The following TCERG1L variants were observed in gnomAD, a reference collection of about 807,000 sequenced individuals.
The protein encoded by TCERG1L is transcription elongation regulator 1-like protein.
Under a neutral mutation model 56.3 loss-of-function variants are expected in TCERG1L, and 37 were observed. The observed-to-expected ratio is 0.66, with a 90% confidence interval of 0.51 to 0.87. The LOEUF (loss-of-function observed/expected upper bound fraction) is 0.87. TCERG1L is among the 40% of genes least tolerant of loss of function. TCERG1L has a pLI of 0.00. For missense variants in TCERG1L, 799 were observed against 774.2 expected, an observed-to-expected ratio of 1.03 and a Z score of -0.38; for synonymous variants, 324 against 326.3, an observed-to-expected ratio of 0.99 and a Z score of 0.08.
chr10:131,144,343 C>T (rs1489864047), intron 7 of TCERG1L, among the ~76,000 whole-genome samples: 1 of 152,130 alleles, frequency 6.6e-6, no homozygotes, highest in Admixed American at 6.5e-5. Context: ...AAATATCTGA[C>T]GAGCCGCGAC....
At chr10:131,248,565 C>A (rs531791578) in intron 4 of TCERG1L, among the ~76,000 whole-genome samples, 2 of 152,160 alleles carry the variant, frequency 1.3e-5, no homozygotes, top group African/African-American at 4.8e-5. Context: ...GGACTCTTCC[C>A]GTGACCCCCT....
intron 8 of TCERG1L, among the ~76,000 whole-genome samples, chr10:131,132,011 CA>C (rs1845623581): frequency 6.6e-6 from 1 of 152,186 alleles, no homozygotes; most frequent in Non-Finnish European, 1.5e-5. Flanking sequence ...AAAGAGGGAT[CA>C]AAATGCCATG....
intron 11 of TCERG1L, among the ~76,000 whole-genome samples, chr10:131,096,642 T>G (rs1845249966): frequency 6.6e-6 from 1 of 152,216 alleles, no homozygotes. Context: ...GGCTCATGCC[T>G]GTAATCCCAG....
At chr10:131,193,152 C>G (rs1301882570) in intron 4 of TCERG1L, among the ~76,000 whole-genome samples, 1 of 152,150 alleles carries the variant, frequency 6.6e-6, no homozygotes, top group African/African-American at 2.4e-5. Flanking sequence ...TTTTATATGT[C>G]TCCTTTTGAA....
intron 4 of TCERG1L, among the ~76,000 whole-genome samples, chr10:131,173,370 T>C (rs966384604): frequency 6.6e-6 from 1 of 152,204 alleles, no homozygotes; most frequent in Non-Finnish European, 1.5e-5. Flanking sequence ...ATCCGTCAAT[T>C]TAACCGGTAC....
chr10:131,093,454 G>A (rs1845203669), intron 11 of TCERG1L, 136 bp from the exon 12 acceptor site: 1 of 1,038,640 alleles, frequency 9.6e-7, no homozygotes, highest in Non-Finnish European at 1.4e-6. Context: ...GCACCCGGTG[G>A]GTGAGCGGCT....
chr10:131,100,704 T>C (rs1024529624), intron 10 of TCERG1L, among the ~76,000 whole-genome samples: 1 of 152,232 alleles, frequency 6.6e-6, no homozygotes, highest in African/African-American at 2.4e-5. Context: ...GAGGAAGGGC[T>C]GTGATTTTCA....
intron 8 of TCERG1L, among the ~76,000 whole-genome samples, chr10:131,129,283 G>GT (rs1490948235): frequency 6.6e-6 from 1 of 151,792 alleles, no homozygotes; most frequent in Non-Finnish European, 1.5e-5. Flanking sequence ...GGAATTATTT[G>GT]TTTTTTAAGA....
At chr10:131,241,933 G>T (rs1252798694) in intron 4 of TCERG1L, among the ~76,000 whole-genome samples, 4 of 152,030 alleles carry the variant, frequency 2.6e-5, no homozygotes, top group African/African-American at 9.7e-5. Flanking sequence ...CACAAACTCA[G>T]TGAGTCTCTC....
intron 4 of TCERG1L, among the ~76,000 whole-genome samples, chr10:131,206,774 G>A (rs1167991495): frequency 6.6e-6 from 1 of 152,168 alleles, no homozygotes; most frequent in East Asian, 1.9e-4. Context: ...GATGTGGGGT[G>A]TAGGACAGGG....
chr10:131,142,592 AC>A (rs2133411605), intron 7 of TCERG1L, among the ~76,000 whole-genome samples: 1 of 152,302 alleles, frequency 6.6e-6, no homozygotes, highest in African/African-American at 2.4e-5. Context: ...TGTTGAGTGC[AC>A]GGCTGCTGCA....
chr10:131,093,119 C>G lies in TCERG1L; in HGVS notation c.*43G>C, dbSNP rs367993814. On this transcript the variant is annotated 3_prime_UTR_variant, in exon 12 of 12. Transcript: ENST00000368642. ...CACCGTGACCCCCTCGCCCCCGGCACGCCCAGGGTCAACCCCCGGGCTTAT... is the reference window on the plus strand; with the variant it reads ...CACCGTGACCCCCTCGCCCCCGGCAGGCCCAGGGTCAACCCCCGGGCTTAT... The G allele has an allele frequency of 1.3e-6, 2 of 1,595,172 alleles. No homozygotes were observed. The highest frequency in any genetic ancestry group is 1.1e-5 in the South Asian group (1 of 88,592).
intron 3 of TCERG1L, among the ~76,000 whole-genome samples, chr10:131,300,702 G>T (rs1254537375): frequency 6.6e-6 from 1 of 152,042 alleles, no homozygotes; most frequent in East Asian, 1.9e-4. Flanking sequence ...TCATCTTAGG[G>T]TCTGATTCTG....
intron 4 of TCERG1L, among the ~76,000 whole-genome samples, chr10:131,203,203 G>A (rs546342165): frequency 2.0e-5 from 3 of 151,908 alleles, no homozygotes; most frequent in African/African-American, 4.8e-5. Flanking sequence ...TCAGCCCTCC[G>A]AGCTGCGCTC....
At chr10:131,168,865 C>T (rs1379617709) in intron 4 of TCERG1L, among the ~76,000 whole-genome samples, 1 of 152,222 alleles carries the variant, frequency 6.6e-6, no homozygotes, top group East Asian at 1.9e-4. Flanking sequence ...AGGCCGACCA[C>T]AGGGCTCCCA....
At chr10:131,099,262 C>T (rs1462728518) in intron 10 of TCERG1L, among the ~76,000 whole-genome samples, 2 of 152,212 alleles carry the variant, frequency 1.3e-5, no homozygotes, top group Non-Finnish European at 2.9e-5. Flanking sequence ...GCCCGCATAA[C>T]GAGATGCAAT....
chr10:131,167,493 T>A (rs1462960404), intron 4 of TCERG1L, among the ~76,000 whole-genome samples: 1 of 152,250 alleles, frequency 6.6e-6, no homozygotes, highest in Non-Finnish European at 1.5e-5. Context: ...TAAAACACTG[T>A]TGGCCAAGCC....
chr10:131,211,207 C>T (rs1247200096), intron 4 of TCERG1L, among the ~76,000 whole-genome samples: 1 of 152,200 alleles, frequency 6.6e-6, no homozygotes, highest in Non-Finnish European at 1.5e-5. Context: ...TGGCTCTGGT[C>T]CCACAAGTGC....
chr10:131,260,135 C>T lies in TCERG1L; in HGVS notation c.856+124G>A. On this transcript the variant is annotated intron_variant, in intron 4 of 11. Transcript: ENST00000368642. This position sits in a 1 kb window ranked among gnomAD's most constrained non-coding sequence, Gnocchi z 5.8. ...CCCAAACGGCCCCAGCCGAATGTTT[C>T]CCTCAACCGGAGCCGGGCTTCAGGT... is the stretch of plus-strand genomic sequence containing the variant. 1 of 1,234,750 alleles carries T rather than the reference C, an allele frequency of 8.1e-7. No homozygotes were observed. Among genetic ancestry groups the T allele is most frequent in the Non-Finnish European group, 1.0e-6 (1 of 989,562 alleles). 76.5% of individuals were successfully genotyped at this position (1,234,750 alleles called of 1,614,324 possible).
Sources: allele counts gnomAD v4.1 joint callset (sites outside exome capture counted in the v4.1 genomes callset), GRCh38; gene constraint gnomAD v4.1.1; non-coding constraint Gnocchi (gnomAD v3.1); transcripts MANE v1.5; gene names NCBI Gene and HGNC (gene_info 2026-07-23, HGNC 2026-07-21).